MCM4: variants seen among roughly 807,000 people sequenced by gnomAD.
MCM4 encodes the protein DNA replication licensing factor MCM4.
Under a neutral mutation model 88.7 loss-of-function variants are expected in MCM4, and 60 were observed. That is an observed-to-expected ratio of 0.68 (90% CI 0.55 to 0.84). MCM4 has a LOEUF of 0.84. Ranked by LOEUF, MCM4 falls within the 40% of genes least tolerant of loss-of-function variation. The pLI is 0.00. For synonymous variants in MCM4, 465 were observed against 410.5 expected, an observed-to-expected ratio of 1.13 and a Z score of -1.61; for missense variants, 1,149 against 1,105.5, an observed-to-expected ratio of 1.04 and a Z score of -0.56.
In MCM4 at chr8:47,972,908, G is replaced by T. The variant is rs2090968093; in HGVS notation, c.1980G>T (p.Arg660Ser). ...ACCCTCAGGACGAAGCCTATGACAG[G>T]CGTCTGGCTCACCACCTGGTCGCAC... ...LLDPQDEAYD[R>S]RLAHHLVALY... The change falls in exon 14 of 17, where the codon AGG becomes AGT. Residue 660 changes from arginine to serine, a missense_variant. Physicochemically the swap from Arg to Ser is moderately radical, Grantham distance 110. This residue lies in a region of MCM4 where 906 missense variants were observed against 843.0 expected (regional missense o/e 1.07). Transcript: ENST00000649973. 1 of 1,614,162 alleles carries T rather than the reference G, an allele frequency of 6.2e-7. No homozygotes were observed. The highest frequency in any genetic ancestry group is 8.5e-7 in the Non-Finnish European group (1 of 1,180,022).
Position 47,961,564 on chromosome 8 carries a change from A to T in MCM4, c.119A>T (p.Glu40Val). ...TCTCCCTCTCAGAGACGTAGAGGCG[A>T]GGATTCCACCTCCACGGGGGAGTTG... is the stretch of plus-strand genomic sequence containing the variant. Reference protein sequence around the residue: ...RSSPSQRRRGEDSTSTGELQP... With the variant: ...RSSPSQRRRGVDSTSTGELQP... Residue 40 changes from glutamate (E) to valine (V), a missense_variant, in exon 3 of 17, where the codon GAG becomes GTG. This residue lies in a region of MCM4 where 906 missense variants were observed against 843.0 expected (regional missense o/e 1.07). Transcript: ENST00000649973. 6.2e-7 allele frequency: 1 copy of T among 1,614,208 alleles called. No homozygotes were observed. The highest frequency in any genetic ancestry group is 2.2e-5 in the East Asian group (1 of 44,878).
rs17334423 is a variant in MCM4, at chr8:47,968,843, C to A, written c.1175-955C>A. On this transcript the variant is annotated intron_variant, in intron 10 of 16. Transcript: ENST00000649973. ...CTTCTGGTTTGAAATCCAGAAAAGA[C>A]GAACATCAGATCAGACCTCTGTATG... Among the ~76,000 whole-genome samples, 578 of 152,118 alleles carry A rather than the reference C, an allele frequency of 3.8e-3. 4 individuals carry two copies. The highest frequency in any genetic ancestry group is 0.024 in the South Asian group (116 of 4,814).
intron 3 of MCM4, 166 bp from the exon 4 acceptor site, chr8:47,961,887 G>T (rs944802724): frequency 1.2e-5 from 11 of 899,892 alleles, no homozygotes; most frequent in Non-Finnish European, 1.7e-5. Context: ...AGCTTCTCTG[G>T]TGCTTTTTTT....
intron 11 of MCM4, 72 bp from the exon 12 acceptor site, chr8:47,970,439 C>A: frequency 6.7e-7 from 1 of 1,499,416 alleles, no homozygotes; most frequent in South Asian, 1.3e-5. Flanking sequence ...AGAAAAGTAC[C>A]TCTAAAGTTT....
rs753367489 is a variant in MCM4 at position 47,962,722 on chromosome 8, C to T, written c.502-42C>T. On this transcript the variant is annotated intron_variant, in intron 5 of 16. Coordinates refer to ENST00000649973, the MANE Select transcript of MCM4 (RefSeq NM_182746.3). ...GTGTGTTTTTAGTAGTTGCCTGTTC[C>T]CAAATGCTATATGCCTAATACAGTT... The T allele has an allele frequency of 2.0e-5, 24 of 1,202,530 alleles. No individual in the cohort carries two copies. In the Admixed American group the frequency reaches 3.0e-4, roughly 15 times the overall value. The allele number at this position is 1,202,530 out of a possible 1,614,324, so 74.5% of individuals were successfully genotyped here. A position where few individuals can be genotyped will look rare whatever the true frequency, so the allele number is the denominator to read the frequency against.
chr8:47,972,849 T>G lies in MCM4; in HGVS notation c.1929-8T>G. 1 of 1,613,130 alleles carries G rather than the reference T, an allele frequency of 6.2e-7. No individual in the cohort carries two copies. The highest frequency in any genetic ancestry group is 8.5e-7 in the Non-Finnish European group (1 of 1,179,266). On this transcript the variant is annotated splice_polypyrimidine_tract_variant and splice_region_variant and intron_variant, in intron 13 of 16. Transcript: ENST00000649973. ...TGGAAAAACAGTATTTTTACTTTGT[T>G]TTCTTAGGTTTGATTTGATCTTCCT...
chr8:47,965,997 G>A (rs1447195048), intron 8 of MCM4, among the ~76,000 whole-genome samples, 190 bp from the exon 9 acceptor site: 1 of 152,128 alleles, frequency 6.6e-6, no homozygotes. Context: ...CTGGACAGGG[G>A]CCCTGAGGAA....
intron 16 of MCM4, among the ~76,000 whole-genome samples, chr8:47,976,118 C>T (rs1186663293): frequency 6.6e-6 from 1 of 151,832 alleles, no homozygotes; most frequent in East Asian, 1.9e-4. Flanking sequence ...TATGGTGAAA[C>T]CCTGTCTCTA....
chr8:47,970,747 C>T lies in MCM4; in HGVS notation c.1671C>T (p.Val557=). ...AAGACCCTGAGACAAGGCAGCTGGTCCTGCAGACAGGTGCTCTTGTCCTGA... is the reference window on the plus strand; with the variant it reads ...AAGACCCTGAGACAAGGCAGCTGGTTCTGCAGACAGGTGCTCTTGTCCTGA... ...VMKDPETRQL[V]LQTGALVLSD... The change falls in exon 12 of 17, where the codon GTC becomes GTT. Residue 557 remains valine (V), a synonymous_variant. Coordinates refer to ENST00000649973, the MANE Select transcript of MCM4 (RefSeq NM_182746.3). The T allele has an allele frequency of 6.2e-7, 1 of 1,614,206 alleles. No individual in the cohort carries two copies. The highest frequency in any genetic ancestry group is 8.5e-7 in the Non-Finnish European group (1 of 1,180,046).
At position 47,975,695 on chromosome 8, in the gene MCM4, T is replaced by C. The variant is rs757167090; in HGVS notation, c.2366-20T>C. On this transcript the variant is annotated intron_variant, in intron 15 of 16. Coordinates refer to ENST00000649973, the MANE Select transcript of MCM4 (RefSeq NM_182746.3). ...TTTCATAATAGCAAAAATGTTTTCA[T>C]TGATTTCTTTTTAAATCAGGGATGA... is the stretch of plus-strand genomic sequence containing the variant. 1.4e-5 allele frequency: 21 copies of C among 1,502,720 alleles called. No individual in the cohort carries two copies. The South Asian group carries it at 2.8e-4, about 20-fold the overall frequency. The allele number at this position is 1,502,720 out of a possible 1,614,324, so 93.1% of individuals were successfully genotyped here.
chr8:47,976,795 A>G lies in MCM4; in HGVS notation c.*17A>G. On this transcript the variant is annotated 3_prime_UTR_variant, in exon 17 of 17. Coordinates refer to ENST00000649973, the MANE Select transcript of MCM4 (RefSeq NM_182746.3). ...TTGCTCTGAAGCCTTGTGAGCAAGGAAGGCTCCCTGCATGTCCTGCTTGCT... is the reference window on the plus strand; with the variant it reads ...TTGCTCTGAAGCCTTGTGAGCAAGGGAGGCTCCCTGCATGTCCTGCTTGCT... The G allele has an allele frequency of 6.5e-7, 1 of 1,535,854 alleles. No individual in the cohort carries two copies. The highest frequency in any genetic ancestry group is 9.0e-7 in the Non-Finnish European group (1 of 1,108,974).
chr8:47,961,741 C>T (rs1001946048), intron 3 of MCM4, 61 bp downstream of exon 3: 4 of 1,532,334 alleles, frequency 2.6e-6, no homozygotes, highest in Non-Finnish European at 3.5e-6. Context: ...TTTATCTGCT[C>T]AGGTTTACTG....
intron 11 of MCM4, 100 bp downstream of exon 11, chr8:47,970,157 C>A: frequency 7.2e-7 from 1 of 1,385,082 alleles, no homozygotes; most frequent in Non-Finnish European, 9.9e-7. Context: ...CCATAAAGGA[C>A]AGAGTTGTGG....
At position 47,966,310 on chromosome 8, in the gene MCM4, G is replaced by A. The variant is rs780867894; in HGVS notation, c.956G>A (p.Arg319His). ...CACACGACCCGGGTGGAGATGGACC[G>A]CGGCCGCATTGCAGAGCCCAGTGTG... Reference protein sequence around the residue: ...CAHTTRVEMDRGRIAEPSVCG... With the variant: ...CAHTTRVEMDHGRIAEPSVCG... Residue 319 changes from arginine to histidine, a missense_variant, in exon 9 of 17, where the codon CGC becomes CAC. Transcript: ENST00000649973. 21 of 1,613,900 alleles carry A rather than the reference G, an allele frequency of 1.3e-5. No individual in the cohort carries two copies. The highest frequency in any genetic ancestry group is 3.3e-5 in the Admixed American group (2 of 60,000).
intron 13 of MCM4, among the ~76,000 whole-genome samples, chr8:47,972,247 A>C (rs937624978): frequency 5.3e-5 from 8 of 151,940 alleles, no homozygotes; most frequent in Non-Finnish European, 1.0e-4. Flanking sequence ...AAAAAAAAAA[A>C]AAAAAAAAAA....
intron 7 of MCM4, among the ~76,000 whole-genome samples, 200 bp downstream of exon 7, chr8:47,963,240 G>T (rs1047895749): frequency 6.6e-6 from 1 of 152,172 alleles, no homozygotes; most frequent in Non-Finnish European, 1.5e-5. Flanking sequence ...ATCACTTGAG[G>T]TCGGAAGTTT....
intron 6 of MCM4, 22 bp downstream of exon 6, chr8:47,962,881 T>A (rs1362303039): frequency 1.3e-6 from 2 of 1,578,468 alleles, no homozygotes; most frequent in Admixed American, 3.7e-5. Context: ...CTCTTTAAAT[T>A]CAAGTTACGT....
intron 10 of MCM4, chr8:47,968,881 C>G (rs2090924481): frequency 6.6e-6 from 1 of 151,738 alleles, no homozygotes; most frequent in Non-Finnish European, 1.5e-5. Flanking sequence ...AGGAGCCTGG[C>G]TTCCAGAAGA....
intron 13 of MCM4, among the ~76,000 whole-genome samples, chr8:47,971,898 T>C (rs1589832926): frequency 6.6e-6 from 1 of 152,262 alleles, no homozygotes; most frequent in East Asian, 1.9e-4. Flanking sequence ...ACAGAAGTTT[T>C]TTTTCCCAAA....
Sources: allele counts gnomAD v4.1 joint callset (sites outside exome capture counted in the v4.1 genomes callset), GRCh38; gene constraint gnomAD v4.1.1; regional missense constraint gnomAD v4.1.1; transcripts MANE v1.5; gene names NCBI Gene and HGNC (gene_info 2026-07-23, HGNC 2026-07-21).